Variants in SLC35F3 observed in about 807,000 individuals in gnomAD.
SLC35F3 encodes solute carrier family 35 member F3.
A neutral mutation model predicts 49.9 loss-of-function variants in SLC35F3; 25 were observed. The ratio of observed to expected loss-of-function variants is 0.50; its 90% CI spans 0.37 to 0.70. The LOEUF is 0.70. Ranked by LOEUF, SLC35F3 falls within the 30% of genes least tolerant of loss-of-function variation. The pLI, the probability that SLC35F3 is intolerant of heterozygous loss-of-function variation, is 0.00. For missense variants in SLC35F3, 525 were observed against 639.8 expected, an observed-to-expected ratio of 0.82 and a Z score of 1.94; for synonymous variants, 275 against 265.4, an observed-to-expected ratio of 1.04 and a Z score of -0.35.
chr1:233,942,107 C>T (rs1277230968), intron 2 of SLC35F3, among the ~76,000 whole-genome samples: 2 of 151,732 alleles, frequency 1.3e-5, no homozygotes, highest in Non-Finnish European at 2.9e-5. Context: ...ATTACAGGTG[C>T]CCGCCACCAC....
chr1:234,259,215 T>C (rs1372275362), intron 3 of SLC35F3, among the ~76,000 whole-genome samples: 1 of 152,242 alleles, frequency 6.6e-6, no homozygotes, highest in Non-Finnish European at 1.5e-5. Flanking sequence ...CTTATTCCTA[T>C]TGTGTTAAAT....
chr1:234,081,911 T>TTTTTTTTTTTTTTTTTTTTTC (rs1664882872), intron 2 of SLC35F3, among the ~76,000 whole-genome samples: 1 of 111,560 alleles, frequency 9.0e-6, no homozygotes, highest in African/African-American at 3.5e-5. Context: ...CTAATTTTTT[T>TTTTTTTTTTTTTTTTTTTTTC]TTTTTTTTTT....
chr1:234,114,255 T>G (rs1279335583), intron 2 of SLC35F3, among the ~76,000 whole-genome samples: 1 of 152,248 alleles, frequency 6.6e-6, no homozygotes, highest in Non-Finnish European at 1.5e-5. Context: ...GAGTTTTTGC[T>G]TAAGTTTGGG....
chr1:234,272,570 G>A (rs959996221), intron 3 of SLC35F3: 3 of 152,308 alleles, frequency 2.0e-5, no homozygotes, highest in Non-Finnish European at 4.4e-5. Context: ...TCGAGAGATG[G>A]ATGAGGACTT....
intron 2 of SLC35F3, among the ~76,000 whole-genome samples, chr1:234,146,481 C>CTTTTTTTTTATTTTTTTTTTTTTTT (rs1665997538): frequency 1.4e-5 from 1 of 74,050 alleles, no homozygotes; most frequent in Non-Finnish European, 2.3e-5. Context: ...GATATTTGCT[C>CTTTTTTTTTATTTTTTTTTTTTTTT]TTTTTTTTTT....
chr1:234,284,461 A>G (rs1668379029), intron 3 of SLC35F3, among the ~76,000 whole-genome samples: 1 of 152,130 alleles, frequency 6.6e-6, no homozygotes, highest in Non-Finnish European at 1.5e-5. Flanking sequence ...TCCCTGTGTG[A>G]GTGGTTACTG....
At chr1:233,964,451 A>G (rs1009608516) in intron 2 of SLC35F3, among the ~76,000 whole-genome samples, 2 of 152,210 alleles carry the variant, frequency 1.3e-5, no homozygotes, top group African/African-American at 2.4e-5. Flanking sequence ...CCTTCACAGC[A>G]TGGAGGACCT....
chr1:234,108,209 T>TTA (rs927777168), intron 2 of SLC35F3, among the ~76,000 whole-genome samples: 1 of 81,212 alleles, frequency 1.2e-5, no homozygotes, highest in Non-Finnish European at 2.5e-5. Context: ...ATATATATAT[T>TTA]TATATATATA....
chr1:233,931,270 A>G (rs1005588395), intron 2 of SLC35F3, among the ~76,000 whole-genome samples: 2 of 152,226 alleles, frequency 1.3e-5, no homozygotes, highest in African/African-American at 2.4e-5. Context: ...TGGCAACAAA[A>G]GCCAAAAGTG....
chr1:233,942,676 G>C (rs1398261778), intron 2 of SLC35F3, among the ~76,000 whole-genome samples: 1 of 152,174 alleles, frequency 6.6e-6, no homozygotes, highest in African/African-American at 2.4e-5. Flanking sequence ...GGCCTCCAAA[G>C]TGTTAGGACT....
Position 234,197,128 on chromosome 1 carries a change from T to C in SLC35F3, c.284-34289T>C, listed in dbSNP as rs1481900210. Reference sequence around the variant, plus strand: ...GGGAAATGAAAAATTATAAAAGTTATAAAAAGTGATAAGGGGAAGTTGATC... The same window carrying C: ...GGGAAATGAAAAATTATAAAAGTTACAAAAAGTGATAAGGGGAAGTTGATC... On this transcript the variant is annotated intron_variant, in intron 2 of 7. Transcript: ENST00000366618. Among the ~76,000 whole-genome samples, 4 of 152,108 alleles carry C rather than the reference T, an allele frequency of 2.6e-5. No homozygotes were observed. In the East Asian group the frequency reaches 7.7e-4, roughly 29 times the overall value.
At chr1:233,954,004 G>A (rs1245994144) in intron 2 of SLC35F3, among the ~76,000 whole-genome samples, 1 of 150,590 alleles carries the variant, frequency 6.6e-6, no homozygotes, top group Non-Finnish European at 1.5e-5. Flanking sequence ...CAAAACTAGA[G>A]CCTCTTTTTT....
chr1:234,048,867 C>A (rs1200656691), intron 2 of SLC35F3, among the ~76,000 whole-genome samples: 1 of 152,224 alleles, frequency 6.6e-6, no homozygotes, highest in African/African-American at 2.4e-5. Context: ...CTTCACCTTC[C>A]TTGGGACCAA....
chr1:234,283,793 G>C (rs1668366661), intron 3 of SLC35F3, among the ~76,000 whole-genome samples: 1 of 152,180 alleles, frequency 6.6e-6, no homozygotes, highest in Non-Finnish European at 1.5e-5. Context: ...TACAGCATGA[G>C]AATGATCAGC....
chr1:233,997,642 T>C (rs1012665032), intron 2 of SLC35F3, among the ~76,000 whole-genome samples: 5 of 152,210 alleles, frequency 3.3e-5, no homozygotes, highest in Non-Finnish European at 7.4e-5. Flanking sequence ...CATTCCTTCT[T>C]GCACCACAAT....
At chr1:234,141,478 A>G (rs770316175) in intron 2 of SLC35F3, among the ~76,000 whole-genome samples, 1 of 152,216 alleles carries the variant, frequency 6.6e-6, no homozygotes, top group African/African-American at 2.4e-5. Flanking sequence ...ATACACCTGT[A>G]TGTAGACATC....
intron 2 of SLC35F3, among the ~76,000 whole-genome samples, chr1:233,988,221 T>C (rs796732854): frequency 2.0e-5 from 3 of 152,296 alleles, no homozygotes; most frequent in African/African-American, 7.2e-5. Flanking sequence ...AAAATATTAG[T>C]AACTGGAAAT....
chr1:234,142,853 G>T (rs930859583), intron 2 of SLC35F3, among the ~76,000 whole-genome samples: 14 of 152,150 alleles, frequency 9.2e-5, no homozygotes, highest in African/African-American at 3.4e-4. Flanking sequence ...CTCATTAAAA[G>T]ATTGAGTTAT....
In SLC35F3 at chr1:233,950,385, CAAAAAAA is replaced by C. The variant is rs58271294; in HGVS notation, c.283+44645_283+44651del. 7.3e-4 allele frequency among the ~76,000 whole-genome samples: 23 copies of C among 31,386 alleles called. 2 individuals are homozygous for C. The highest frequency in any genetic ancestry group is 2.3e-3 in the African/African-American group (21 of 9,010). The allele number at this position is 31,386 out of a possible 152,430, so 20.6% of individuals were successfully genotyped here. On this transcript the variant is annotated intron_variant, in intron 2 of 7. Coordinates refer to ENST00000366618, the MANE Select transcript of SLC35F3 (RefSeq NM_173508.4). ...TGGGTGACAGAGCAAGACTCTGTCT[CAAAAAAA>C]AAAAAAAAAAAAAAAAATGAAAATA... is the stretch of plus-strand genomic sequence containing the variant.
Sources: gnomAD v4.1 joint callset for allele counts (sites outside exome capture counted in the v4.1 genomes callset) on GRCh38, gnomAD v4.1.1 for gene constraint, MANE v1.5 for transcripts, NCBI Gene and HGNC (gene_info 2026-07-23, HGNC 2026-07-21) for gene names.